The following STXBP5 variants were observed in gnomAD, a reference collection of about 807,000 sequenced individuals.
The protein encoded by STXBP5 is syntaxin binding protein 5.
In STXBP5, 50 loss-of-function variants were observed where a neutral mutation model predicts 152.4. That is an observed-to-expected ratio of 0.33 (90% confidence interval 0.26 to 0.42). The LOEUF (loss-of-function observed/expected upper bound fraction) is 0.42. STXBP5 is among the 10% of genes least tolerant of loss of function. The pLI is 1.00. For synonymous variants in STXBP5, 492 were observed against 494.7 expected, an observed-to-expected ratio of 0.99 and a Z score of 0.07; for missense variants, 1,167 against 1,388.6, an observed-to-expected ratio of 0.84 and a Z score of 2.54.
At chr6:147,234,135 A>G (rs546367081) in intron 2 of STXBP5, among the ~76,000 whole-genome samples, 5 of 151,870 alleles carry the variant, frequency 3.3e-5, no homozygotes, top group South Asian at 2.1e-4. Flanking sequence ...TAGAATATAG[A>G]AACAGACCAT....
At chr6:147,264,431 A>G (rs1169478386) in intron 6 of STXBP5, among the ~76,000 whole-genome samples, 1 of 152,140 alleles carries the variant, frequency 6.6e-6, no homozygotes, top group African/African-American at 2.4e-5. Flanking sequence ...CTTACTTTAC[A>G]AATTATAAAG....
chr6:147,367,498 C>T (rs1332735045), intron 25 of STXBP5, among the ~76,000 whole-genome samples: 2 of 151,942 alleles, frequency 1.3e-5, no homozygotes, highest in South Asian at 2.1e-4. Flanking sequence ...TTTAGCCGGG[C>T]GTGGTGGTGG....
At chr6:147,285,656 T>G (rs1039213648) in intron 8 of STXBP5, among the ~76,000 whole-genome samples, 2 of 152,152 alleles carry the variant, frequency 1.3e-5, no homozygotes, top group African/African-American at 4.8e-5. Flanking sequence ...CTTGTAAGTC[T>G]GAATGTTAGA....
chr6:147,232,049 T>C (rs1465033009), intron 2 of STXBP5, among the ~76,000 whole-genome samples: 1 of 151,832 alleles, frequency 6.6e-6, no homozygotes, highest in Non-Finnish European at 1.5e-5. Flanking sequence ...GTAAGTACAC[T>C]CTATGTAGTT....
At position 147,367,465 on chromosome 6, in the gene STXBP5, C is replaced by T. The variant is rs528019647; in HGVS notation, c.3081+3299C>T. Among the ~76,000 whole-genome samples the T allele has an allele frequency of 5.5e-4, 84 of 152,078 alleles. 2 individuals are homozygous for T. In the South Asian group the frequency reaches 7.3e-3, roughly 13 times the overall value. The stretch of plus-strand genomic sequence containing the variant: ...CATCCTGGCTAACACAGTGAAACCC[C>T]GTCTCAACTAAAAATACAAAAATTT... On this transcript the variant is annotated intron_variant, in intron 25 of 27. Transcript: ENST00000321680.
intron 18 of STXBP5, among the ~76,000 whole-genome samples, chr6:147,330,687 A>T (rs1783524332): frequency 6.6e-6 from 1 of 152,186 alleles, no homozygotes; most frequent in African/African-American, 2.4e-5. Flanking sequence ...AACTACATTG[A>T]TGACTTATGG....
At chr6:147,268,023 T>C (rs1779978768) in intron 7 of STXBP5, among the ~76,000 whole-genome samples, 1 of 152,164 alleles carries the variant, frequency 6.6e-6, no homozygotes, top group African/African-American at 2.4e-5. Context: ...GCAGGATAAA[T>C]ATGTGGTTCT....
intron 22 of STXBP5, among the ~76,000 whole-genome samples, chr6:147,354,586 A>G (rs916276334): frequency 4.6e-5 from 7 of 152,156 alleles, no homozygotes; most frequent in African/African-American, 1.7e-4. Flanking sequence ...TTTCAATAGC[A>G]TTAAATATTA....
chr6:147,253,078 C>T (rs562557714), intron 4 of STXBP5, among the ~76,000 whole-genome samples: 6 of 152,180 alleles, frequency 3.9e-5, no homozygotes, highest in South Asian at 4.2e-4. Context: ...ACTGGCAAAC[C>T]GAATCCAGCA....
At chr6:147,314,869 C>T (rs1211553603) in intron 14 of STXBP5, among the ~76,000 whole-genome samples, 1 of 151,978 alleles carries the variant, frequency 6.6e-6, no homozygotes, top group Non-Finnish European at 1.5e-5. Flanking sequence ...TTCAAAATTT[C>T]TTCAAACCTT....
intron 4 of STXBP5, among the ~76,000 whole-genome samples, chr6:147,247,233 T>C (rs1778853309): frequency 6.6e-6 from 1 of 152,244 alleles, no homozygotes; most frequent in Non-Finnish European, 1.5e-5. Context: ...GTTTCTCTGC[T>C]AATCGCATAA....
Position 147,387,905 on chromosome 6 carries a change from G to T in STXBP5, c.*3150G>T, listed in dbSNP as rs1383897919. On this transcript the variant is annotated 3_prime_UTR_variant, in exon 28 of 28. Transcript: ENST00000321680. ...TTACATACTTTTAGGTTACAGGGGTGCTGGGGAGACAGCTGAGGAAAGGAA... is the reference window on the plus strand; with the variant it reads ...TTACATACTTTTAGGTTACAGGGGTTCTGGGGAGACAGCTGAGGAAAGGAA... 6.6e-6 allele frequency: 1 copy of T among 151,662 alleles called. No individual in the cohort carries two copies. Among genetic ancestry groups the T allele is most frequent in the Admixed American group, 6.6e-5 (1 of 15,182 alleles). The allele number at this position is 151,662 out of a possible 1,614,324, so 9.4% of individuals were successfully genotyped here.
At chr6:147,285,364 A>G (rs1048438331) in intron 8 of STXBP5, among the ~76,000 whole-genome samples, 3 of 152,212 alleles carry the variant, frequency 2.0e-5, no homozygotes, top group Admixed American at 2.0e-4. Flanking sequence ...GATTTGATTT[A>G]GAAAATGCTT....
intron 23 of STXBP5, among the ~76,000 whole-genome samples, chr6:147,363,063 A>G (rs981520939): frequency 6.6e-6 from 1 of 152,214 alleles, no homozygotes; most frequent in African/African-American, 2.4e-5. Flanking sequence ...TATTCATTTA[A>G]AGATCAGATA....
intron 4 of STXBP5, among the ~76,000 whole-genome samples, chr6:147,252,921 A>G (rs1779169877): frequency 6.6e-6 from 1 of 152,148 alleles, no homozygotes; most frequent in South Asian, 2.1e-4. Flanking sequence ...ACTATTCCAA[A>G]CAATAGAAAA....
intron 4 of STXBP5, among the ~76,000 whole-genome samples, chr6:147,247,331 G>A (rs1778858344): frequency 6.6e-6 from 1 of 152,190 alleles, no homozygotes; most frequent in Admixed American, 6.5e-5. Flanking sequence ...ATGAAATTAA[G>A]GACTAGAACA....
rs1421780091 is a variant in STXBP5 at position 147,382,838 on chromosome 6, G to C, written c.3254G>C (p.Gly1085Ala). The C allele has an allele frequency of 6.2e-7, 1 of 1,613,574 alleles. No homozygotes were observed. The highest frequency in any genetic ancestry group is 1.7e-5 in the Admixed American group (1 of 59,956). Residue 1085 changes from glycine to alanine, a missense_variant, in exon 27 of 28, where the codon GGT (glycine) becomes GCT (alanine). By Grantham distance (60) the Gly-to-Ala change is moderately conservative. Transcript: ENST00000321680. ...CTTGCACAGCATATTCCTGGCCCTGGTGGCATTGAAGGCGTAAAAGGGGCA... is the reference window on the plus strand; with the variant it reads ...CTTGCACAGCATATTCCTGGCCCTGCTGGCATTGAAGGCGTAAAAGGGGCA... ...RSLAQHIPGP[G>A]GIEGVKGAAS...
chr6:147,218,820 A>G (rs1421617715), intron 2 of STXBP5, among the ~76,000 whole-genome samples: 1 of 152,226 alleles, frequency 6.6e-6, no homozygotes. Context: ...CCACCTTGCT[A>G]TAATCACATA....
In STXBP5 at chr6:147,204,428, C is replaced by A; in HGVS notation, c.-105C>A. ...GCCTCCTTACCCTCACACTCCCACT[C>A]CTCCGTTTCCGCGGTCGAAGCTGCC... On this transcript the variant is annotated 5_prime_UTR_variant, in exon 1 of 28. Transcript: ENST00000321680. This position sits in a 1 kb window ranked among gnomAD's most constrained non-coding sequence, Gnocchi z 4.3. The A allele has an allele frequency of 1.8e-6, 2 of 1,095,224 alleles. No individual in the cohort carries two copies. Among genetic ancestry groups the A allele is most frequent in the Non-Finnish European group, 2.7e-6 (2 of 753,326 alleles). 67.8% of individuals were successfully genotyped at this position (1,095,224 alleles called of 1,614,324 possible). A position where few individuals can be genotyped will look rare whatever the true frequency, so the allele number is the denominator to read the frequency against.
Sources: allele counts gnomAD v4.1 joint callset (sites outside exome capture counted in the v4.1 genomes callset), GRCh38; gene constraint gnomAD v4.1.1; non-coding constraint Gnocchi (gnomAD v3.1); transcripts MANE v1.5; gene names NCBI Gene and HGNC (gene_info 2026-07-23, HGNC 2026-07-21).